The following L3MBTL4 variants were observed in gnomAD, a reference collection of about 807,000 sequenced individuals.
L3MBTL4 encodes L3MBTL histone methyl-lysine binding protein 4.
In L3MBTL4, 70 loss-of-function variants were observed where a neutral mutation model predicts 84.5. The observed-to-expected ratio is 0.83, with a 90% CI of 0.68 to 1.01. L3MBTL4 has a LOEUF of 1.01. Among genes scored for constraint, L3MBTL4 ranks in the 50% least tolerant of loss-of-function variants. L3MBTL4 has a pLI of 0.00. For missense variants in L3MBTL4, 715 were observed against 754.8 expected, an observed-to-expected ratio of 0.95 and a Z score of 0.62; for synonymous variants, 274 against 259.8, an observed-to-expected ratio of 1.05 and a Z score of -0.52.
chr18:5,994,502 G>A (rs892213902), intron 16 of L3MBTL4, among the ~76,000 whole-genome samples: 3 of 152,124 alleles, frequency 2.0e-5, no homozygotes, highest in Admixed American at 6.5e-5. Context: ...GCCCCATTAC[G>A]AGGGAAGCAG....
intron 16 of L3MBTL4, among the ~76,000 whole-genome samples, chr18:6,013,599 G>A (rs570215027): frequency 2.0e-5 from 3 of 152,264 alleles, no homozygotes; most frequent in South Asian, 2.1e-4. Flanking sequence ...TCCTTAGCGC[G>A]TCCTCGGCCC....
chr18:6,262,124 C>T (rs1024358740), intron 5 of L3MBTL4, among the ~76,000 whole-genome samples: 1 of 152,182 alleles, frequency 6.6e-6, no homozygotes, highest in Non-Finnish European at 1.5e-5. Flanking sequence ...ACCCCGCTAC[C>T]TCTGCCCTTG....
chr18:5,961,989 G>GA (rs2095265831), intron 17 of L3MBTL4, among the ~76,000 whole-genome samples: 1 of 151,720 alleles, frequency 6.6e-6, no homozygotes, highest in Non-Finnish European at 1.5e-5. Context: ...AACTGTGCTG[G>GA]CTATATATAC....
chr18:6,318,206 A>G (rs914656765), intron 1 of L3MBTL4, among the ~76,000 whole-genome samples: 5 of 151,996 alleles, frequency 3.3e-5, no homozygotes, highest in Non-Finnish European at 5.9e-5. Context: ...TAAGAAAACA[A>G]ACCATCTAGG....
At chr18:6,240,927 A>G (rs1255900617) in intron 8 of L3MBTL4, among the ~76,000 whole-genome samples, 1 of 152,230 alleles carries the variant, frequency 6.6e-6, no homozygotes, top group Non-Finnish European at 1.5e-5. Context: ...CCAGATCCGC[A>G]GAACACCCCT....
chr18:6,197,275 CCT>C (rs1390555107), intron 12 of L3MBTL4, among the ~76,000 whole-genome samples: 1 of 152,154 alleles, frequency 6.6e-6, no homozygotes, highest in Non-Finnish European at 1.5e-5. Flanking sequence ...ACATCCAACC[CCT>C]GACAGGCCCC....
intron 15 of L3MBTL4, chr18:6,081,229 C>A: frequency 3.6e-6 from 1 of 275,136 alleles, no homozygotes; most frequent in Non-Finnish European, 6.8e-6. Flanking sequence ...ATAATCTCTT[C>A]AGATTCTAAG....
At chr18:6,386,091 A>G (rs2054805096) in intron 1 of L3MBTL4, among the ~76,000 whole-genome samples, 1 of 152,260 alleles carries the variant, frequency 6.6e-6, no homozygotes, top group Non-Finnish European at 1.5e-5. Context: ...CAATCAAAGC[A>G]GAATGTACTA....
At chr18:6,199,139 C>T (rs1204732335) in intron 12 of L3MBTL4, among the ~76,000 whole-genome samples, 4 of 152,174 alleles carry the variant, frequency 2.6e-5, no homozygotes, top group African/African-American at 7.2e-5. Context: ...ACAGAGAAGA[C>T]AAATGAATAA....
chr18:6,109,759 C>G (rs1406134940), intron 14 of L3MBTL4, among the ~76,000 whole-genome samples: 2 of 152,202 alleles, frequency 1.3e-5, no homozygotes, highest in African/African-American at 4.8e-5. Context: ...CAGAGGATCC[C>G]TAACAACTAT....
intron 4 of L3MBTL4, among the ~76,000 whole-genome samples, chr18:6,283,594 T>G (rs1284712111): frequency 1.3e-5 from 2 of 149,048 alleles, no homozygotes; most frequent in African/African-American, 2.5e-5. Context: ...AGCCTCAAAG[T>G]TATTTTAAAA....
chr18:6,183,676 T>G (rs949164489), intron 12 of L3MBTL4, among the ~76,000 whole-genome samples: 1 of 152,162 alleles, frequency 6.6e-6, no homozygotes, highest in African/African-American at 2.4e-5. Flanking sequence ...AATGTCAAAC[T>G]AAGAAAAGTT....
chr18:6,289,165 A>T (rs567216652), intron 4 of L3MBTL4, among the ~76,000 whole-genome samples: 38 of 152,268 alleles, frequency 2.5e-4, no homozygotes, highest in Admixed American at 2.4e-3. Flanking sequence ...AAAGGTCTAA[A>T]CAAGTTTAAA....
rs145331786 is a variant in L3MBTL4, at chr18:6,389,730, G to A, written c.-91+25071C>T. ...GAGGGACATTATATAATGATAAACG[G>A]ACTAGTCCAACAGGAAACTATCACC... On this transcript the variant is annotated intron_variant, in intron 1 of 18. Coordinates refer to ENST00000317931, the MANE Select transcript of L3MBTL4 (RefSeq NM_001330559.2). 3.4e-3 allele frequency among the ~76,000 whole-genome samples: 513 copies of A among 152,162 alleles called. 5 individuals are homozygous for A. The highest frequency in any genetic ancestry group is 0.012 in the African/African-American group (499 of 41,512).
chr18:6,115,152 C>T (rs188757350), intron 14 of L3MBTL4, among the ~76,000 whole-genome samples: 1 of 152,102 alleles, frequency 6.6e-6, no homozygotes, highest in Non-Finnish European at 1.5e-5. Context: ...GTTGATGGGC[C>T]TTATAAGCTG....
chr18:6,337,376 G>T (rs1463323770), intron 1 of L3MBTL4, among the ~76,000 whole-genome samples: 1 of 152,050 alleles, frequency 6.6e-6, no homozygotes, highest in Non-Finnish European at 1.5e-5. Flanking sequence ...TTCAGGAGAA[G>T]AATGGATAAA....
intron 12 of L3MBTL4, among the ~76,000 whole-genome samples, chr18:6,185,944 C>G (rs1326601276): frequency 6.9e-6 from 1 of 145,382 alleles, no homozygotes; most frequent in East Asian, 1.9e-4. Flanking sequence ...GAAGTGAAAA[C>G]CAAAAAGGGC....
intron 16 of L3MBTL4, among the ~76,000 whole-genome samples, chr18:6,043,689 G>A (rs1043152713): frequency 2.6e-5 from 4 of 152,132 alleles, no homozygotes; most frequent in Admixed American, 1.3e-4. Flanking sequence ...AGACAGGTTC[G>A]ATACCTGGTT....
chr18:6,413,493 G>A (rs2056055884), intron 1 of L3MBTL4, among the ~76,000 whole-genome samples: 1 of 151,908 alleles, frequency 6.6e-6, no homozygotes, highest in Non-Finnish European at 1.5e-5. Flanking sequence ...TGCATTCCAA[G>A]TTTTTAATAT....
Sources: gnomAD v4.1 joint callset for allele counts (sites outside exome capture counted in the v4.1 genomes callset) on GRCh38, gnomAD v4.1.1 for gene constraint, MANE v1.5 for transcripts, NCBI Gene and HGNC (gene_info 2026-07-23, HGNC 2026-07-21) for gene names.